CR2: variants seen among roughly 807,000 people sequenced by gnomAD.
The protein encoded by CR2 is complement C3d receptor 2, also known as complement receptor type 2.
CR2 carries 96 observed loss-of-function variants against 123.0 expected under a neutral mutation model. The ratio of observed to expected loss-of-function variants is 0.78; its 90% confidence interval spans 0.66 to 0.93. The LOEUF (loss-of-function observed/expected upper bound fraction) is 0.93. CR2 is among the 40% of genes least tolerant of loss of function. The pLI, the probability that CR2 is intolerant of heterozygous loss-of-function variation, is 0.00. For missense variants in CR2, 1,258 were observed against 1,361.0 expected (o/e 0.92, Z 1.19); for synonymous variants, 484 against 469.5 (o/e 1.03, Z -0.40).
At position 207,479,256 on chromosome 1, in the gene CR2, G is replaced by A. The variant is rs1365226221; in HGVS notation, c.3089-1G>A. On this transcript the variant is annotated splice_acceptor_variant, in intron 16 of 19. Transcript: ENST00000367057. LOFTEE classifies it high-confidence loss of function. Reference sequence around the variant, plus strand: ...TTTTCATGATTTTGTACTATTTTTAGGTTCACTTGCTCCTGTCCTTTGTGG... The same window carrying A: ...TTTTCATGATTTTGTACTATTTTTAAGTTCACTTGCTCCTGTCCTTTGTGG... 1.3e-6 allele frequency: 2 copies of A among 1,595,092 alleles called. No homozygotes were observed. Among genetic ancestry groups the A allele is most frequent in the Non-Finnish European group, 1.7e-6 (2 of 1,163,126 alleles).
intron 1 of CR2, among the ~76,000 whole-genome samples, chr1:207,456,293 G>A (rs1448735583): frequency 6.6e-6 from 1 of 152,096 alleles, no homozygotes; most frequent in African/African-American, 2.4e-5. Context: ...AACTTTTACT[G>A]CTACTGCATG....
chr1:207,467,922 C>T (rs957447356), intron 2 of CR2, among the ~76,000 whole-genome samples: 3 of 152,144 alleles, frequency 2.0e-5, no homozygotes, highest in Non-Finnish European at 2.9e-5. Context: ...AACTATATTG[C>T]CAATATCTAC....
At position 207,472,986 on chromosome 1, in the gene CR2, T is replaced by C. The variant is rs779409734; in HGVS notation, c.1785T>C (p.Leu595=). 6.2e-7 allele frequency: 1 copy of C among 1,614,004 alleles called. No individual in the cohort carries two copies. The highest frequency in any genetic ancestry group is 8.5e-7 in the Non-Finnish European group (1 of 1,179,950). ...GTGGCCCTGCTCCCCTGTGTAAACT[T>C]TCCCTCCTTGCTGTCCAGTGCTCAC... ...TWSGPAPLCK[L]SLLAVQCSHV... Residue 595 remains leucine (L), a synonymous_variant, in exon 10 of 20, where the codon CTT becomes CTC. Coordinates refer to ENST00000367057, the MANE Select transcript of CR2 (RefSeq NM_001006658.3).
intron 15 of CR2, 70 bp downstream of exon 15, chr1:207,476,489 C>A: frequency 7.2e-7 from 1 of 1,383,936 alleles, no homozygotes; most frequent in Non-Finnish European, 1.0e-6. Flanking sequence ...CAGTTGGGTA[C>A]TTTCAACTTA....
chr1:207,476,472 A>C, intron 15 of CR2, 53 bp downstream of exon 15: 1 of 1,522,466 alleles, frequency 6.6e-7, no homozygotes, highest in Non-Finnish European at 9.0e-7. Context: ...TGCCAAATAG[A>C]TATATTCAGT....
At chr1:207,475,342 C>G in intron 14 of CR2, 126 bp downstream of exon 14, 1 of 1,052,104 alleles carries the variant, frequency 9.5e-7, no homozygotes, top group Non-Finnish European at 1.4e-6. Context: ...TATTGTTTTA[C>G]AAGATATTTG....
intron 18 of CR2, among the ~76,000 whole-genome samples, chr1:207,482,511 A>C (rs960018135): frequency 6.6e-6 from 1 of 152,206 alleles, no homozygotes; most frequent in African/African-American, 2.4e-5. Context: ...TTTCTTATAC[A>C]ACAATGGCTG....
rs145764319 is a variant in CR2 at position 207,472,789 on chromosome 1, C to G, written c.1588C>G (p.Pro530Ala). 4.5e-5 allele frequency: 72 copies of G among 1,613,730 alleles called. No homozygotes were observed. Among genetic ancestry groups the G allele is most frequent in the Non-Finnish European group, 6.1e-5 (72 of 1,179,876 alleles). The change falls in exon 10 of 20, where the codon CCC (proline) becomes GCC (alanine). Residue 530 changes from proline (P) to alanine (A), a missense_variant. Transcript: ENST00000367057. ...CTCTCTAGAAATCACCTGCCCACCA[C>G]CCCCTGTTATCTACAATGGGGCACA... Reference protein sequence around the residue: ...RLCKEITCPPPPVIYNGAHTG... With the variant: ...RLCKEITCPPAPVIYNGAHTG...
intron 1 of CR2, among the ~76,000 whole-genome samples, chr1:207,464,074 C>A (rs1016281755): frequency 6.6e-6 from 1 of 152,142 alleles, no homozygotes; most frequent in African/African-American, 2.4e-5. Context: ...CTAAAACATT[C>A]CAGGAGATTA....
chr1:207,473,692 A>G lies in CR2; in HGVS notation c.2126A>G (p.Asn709Ser). The G allele has an allele frequency of 6.2e-7, 1 of 1,614,002 alleles. No homozygotes were observed. Among genetic ancestry groups the G allele is most frequent in the Non-Finnish European group, 8.5e-7 (1 of 1,179,902 alleles). The part of the protein sequence containing the change: ...NKSIHCMPSG[N>S]WSPSAPRCEE... ...TCCATTCACTGTATGCCTTCAGGAAATTGGAGTCCTTCTGCCCCACGGTGT... is the reference window on the plus strand; with the variant it reads ...TCCATTCACTGTATGCCTTCAGGAAGTTGGAGTCCTTCTGCCCCACGGTGT... The change falls in exon 11 of 20, where the codon AAT becomes AGT. Residue 709 changes from asparagine (N) to serine (S), a missense_variant. Asn to Ser is a conservative substitution (Grantham distance 46, BLOSUM62 1). Transcript: ENST00000367057.
intron 7 of CR2, 38 bp from the exon 8 acceptor site, chr1:207,470,959 G>A (rs370217966): frequency 5.8e-5 from 93 of 1,613,642 alleles, no homozygotes; most frequent in Non-Finnish European, 7.5e-5. Context: ...CTTTAAGATT[G>A]CCTTGAATTA....
intron 11 of CR2, 30 bp downstream of exon 11, chr1:207,473,751 T>C: frequency 6.2e-7 from 1 of 1,613,892 alleles, no homozygotes; most frequent in Non-Finnish European, 8.5e-7. Context: ...TGTCCTTCTC[T>C]TTGATATGAG....
At chr1:207,469,580 T>G in intron 5 of CR2, 115 bp from the exon 6 acceptor site, 1 of 967,598 alleles carries the variant, frequency 1.0e-6, no homozygotes, top group Non-Finnish European at 1.7e-6. Context: ...CCTTGACTGA[T>G]TCATTATAGA....
chr1:207,485,585 A>G lies in CR2; in HGVS notation c.*18+13A>G. 7.3e-7 allele frequency: 1 copy of G among 1,374,970 alleles called. No homozygotes were observed. The highest frequency in any genetic ancestry group is 1.0e-6 in the Non-Finnish European group (1 of 962,646). 85.2% of individuals were successfully genotyped at this position (1,374,970 alleles called of 1,614,324 possible). ...AGACAAACTGGTGGTATGTAATGAA[A>G]TGGAATATTATTAATTTACATATAA... is the stretch of plus-strand genomic sequence containing the variant. On this transcript the variant is annotated intron_variant, in intron 19 of 19. Transcript: ENST00000367057.
chr1:207,470,902 T>C lies in CR2; in HGVS notation c.1388T>C (p.Val463Ala). The change falls in exon 7 of 20, where the codon GTA becomes GCA. Residue 463 changes from valine (V) to alanine (A), a missense_variant. Transcript: ENST00000367057. ...CTSEGVWTPP[V>A]PQCKVAACEA... ...TCTGAGGGGGTGTGGACACCCCCTG[T>C]ACCCCAATGCAAAGGTGCCAGGCCT... The C allele has an allele frequency of 6.2e-7, 1 of 1,613,838 alleles. No individual in the cohort carries two copies. The highest frequency in any genetic ancestry group is 8.5e-7 in the Non-Finnish European group (1 of 1,179,826).
intron 1 of CR2, among the ~76,000 whole-genome samples, chr1:207,459,866 G>A (rs1050879033): frequency 6.6e-6 from 1 of 152,156 alleles, no homozygotes; most frequent in African/African-American, 2.4e-5. Context: ...GAGGATTGAT[G>A]TTCCCAAAGG....
chr1:207,468,894 T>C lies in CR2; in HGVS notation c.729T>C (p.Asp243=), dbSNP rs774149171. The C allele has an allele frequency of 3.1e-6, 5 of 1,613,636 alleles. No individual in the cohort carries two copies. The highest frequency in any genetic ancestry group is 2.2e-5 in the East Asian group (1 of 44,894). The change falls in exon 4 of 20, where the codon GAT becomes GAC. Residue 243 remains aspartate (D), a synonymous_variant. Coordinates refer to ENST00000367057, the MANE Select transcript of CR2 (RefSeq NM_001006658.3). ...GTGTAACTGCAAACTTTTTCTGTGA[T>C]GAAGGGTGAGTGTCAGGATTATTTA... ...RVGVTANFFC[D]EGYRLQGPPS...
At position 207,469,898 on chromosome 1, in the gene CR2, C is replaced by T. The variant is rs529311780; in HGVS notation, c.1021C>T (p.Arg341Cys). 117 of 1,613,866 alleles carry T rather than the reference C, an allele frequency of 7.2e-5. No homozygotes were observed. The highest frequency in any genetic ancestry group is 4.9e-4 in the Middle Eastern group (3 of 6,078). ...TGGGACCTGGAGTGGCCCTGCCCCA[C>T]GCTGTGAACTTTCTACTTCTGCGGT... ...KTGTWSGPAP[R>C]CELSTSAVQC... Residue 341 changes from arginine (R) to cysteine (C), a missense_variant, in exon 6 of 20, where the codon CGC becomes TGC. By Grantham distance (180) the Arg-to-Cys change is radical. Transcript: ENST00000367057.
Position 207,471,487 on chromosome 1 carries a change from CG to C in CR2, c.1559del (p.Arg520LeufsTer24). On this transcript the variant is annotated frameshift_variant, in exon 9 of 20. Transcript: ENST00000367057. LOFTEE classifies it high-confidence loss of function. Reference sequence around the variant, plus strand: ...CACAATTCCTTGGTTTATGGAGATTCGTCTTTGTAAAGGTGAGTAGCAAAAA... The same window carrying C: ...CACAATTCCTTGGTTTATGGAGATTCTCTTTGTAAAGGTGAGTAGCAAAAA... Reference protein sequence around the residue: ...QGTIPWFMEIRLCKEITCPPP... With the variant: ...QGTIPWFMEIXLCKEITCPPP... 6.2e-7 allele frequency: 1 copy of C among 1,609,566 alleles called. No individual in the cohort carries two copies. Among genetic ancestry groups the C allele is most frequent in the Non-Finnish European group, 8.5e-7 (1 of 1,176,108 alleles).
Sources: allele counts gnomAD v4.1 joint callset (sites outside exome capture counted in the v4.1 genomes callset), GRCh38; gene constraint gnomAD v4.1.1; transcripts MANE v1.5; gene names NCBI Gene and HGNC (gene_info 2026-07-23, HGNC 2026-07-21).